Variants in GALNTL6 observed in about 807,000 individuals in gnomAD.
GALNTL6 encodes the protein polypeptide N-acetylgalactosaminyltransferase-like 6.
Under a neutral mutation model 73.7 loss-of-function variants are expected in GALNTL6, and 46 were observed. The ratio of observed to expected loss-of-function variants is 0.62; its 90% CI spans 0.49 to 0.80. The LOEUF (loss-of-function observed/expected upper bound fraction) is 0.80, where lower values mean the gene tolerates loss of function less well. GALNTL6 is among the 30% of genes least tolerant of loss of function. The pLI is 0.00. For synonymous variants in GALNTL6, 259 were observed against 263.7 expected (o/e 0.98, Z 0.17); for missense variants, 604 against 755.0 (o/e 0.80, Z 2.34).
At chr4:172,153,899 C>G (rs911843017) in intron 2 of GALNTL6, among the ~76,000 whole-genome samples, 1 of 152,190 alleles carries the variant, frequency 6.6e-6, no homozygotes, top group African/African-American at 2.4e-5. Context: ...GCCTCTTGAC[C>G]TTTCAAGGAG....
chr4:172,442,653 T>C (rs1048167869), intron 5 of GALNTL6, among the ~76,000 whole-genome samples: 1 of 152,190 alleles, frequency 6.6e-6, no homozygotes, highest in Non-Finnish European at 1.5e-5. Flanking sequence ...CATGCCTTGC[T>C]TACTCTAAAG....
At chr4:171,886,305 A>T (rs1736606796) in intron 2 of GALNTL6, among the ~76,000 whole-genome samples, 1 of 152,350 alleles carries the variant, frequency 6.6e-6, no homozygotes, top group African/African-American at 2.4e-5. Flanking sequence ...CAAAGTAACC[A>T]GTCAATTCAG....
At chr4:172,824,178 C>T (rs531352875) in intron 7 of GALNTL6, among the ~76,000 whole-genome samples, 3 of 152,164 alleles carry the variant, frequency 2.0e-5, no homozygotes, top group African/African-American at 4.8e-5. Context: ...TGTGGTGTGC[C>T]GTTGAAGCCT....
At position 172,331,372 on chromosome 4, in the gene GALNTL6, C is replaced by T. The variant is rs201004828; in HGVS notation, c.387-17151C>T. Among the ~76,000 whole-genome samples, 123 of 152,138 alleles carry T rather than the reference C, an allele frequency of 8.1e-4. 2 individuals carry two copies. In the South Asian group the frequency reaches 0.016, roughly 19 times the overall value. ...TGGGCTCACTGCAACCTCCACCTCC[C>T]AGGTTCAAGCAATTCTTCTGCCTCA... On this transcript the variant is annotated intron_variant, in intron 4 of 12. Transcript: ENST00000506823.
intron 5 of GALNTL6, among the ~76,000 whole-genome samples, chr4:172,737,613 C>T (rs1313184296): frequency 6.6e-6 from 1 of 152,144 alleles, no homozygotes; most frequent in Non-Finnish European, 1.5e-5. Context: ...TCATTTGAGT[C>T]AGTCACTGGC....
At chr4:172,057,700 TCAAAAA>T (rs1731058114) in intron 2 of GALNTL6, among the ~76,000 whole-genome samples, 1 of 13,388 alleles carries the variant, frequency 7.5e-5, no homozygotes. Context: ...AGACCCTGTC[TCAAAAA>T]AAAAAAAAAA....
chr4:172,802,794 AAAAC>A (rs71594010), intron 5 of GALNTL6, among the ~76,000 whole-genome samples: 105,024 of 150,838 alleles, frequency 0.7, 36,704 homozygotes, highest in East Asian at 0.89. Context: ...CCGTCTCAAA[AAAAC>A]AAACAAACAA....
At chr4:171,856,266 C>A (rs552637208) in intron 2 of GALNTL6, among the ~76,000 whole-genome samples, 1 of 121,552 alleles carries the variant, frequency 8.2e-6, no homozygotes, top group South Asian at 2.8e-4. Context: ...CCACACCCGG[C>A]TACTTTTTGT....
At chr4:172,603,468 A>G (rs918286816) in intron 5 of GALNTL6, among the ~76,000 whole-genome samples, 3 of 152,192 alleles carry the variant, frequency 2.0e-5, no homozygotes, top group African/African-American at 7.2e-5. Context: ...GTTAAAACCA[A>G]TCATTTTCTT....
chr4:172,749,756 A>C (rs1015214620), intron 5 of GALNTL6, among the ~76,000 whole-genome samples: 1 of 151,954 alleles, frequency 6.6e-6, no homozygotes, highest in Admixed American at 6.6e-5. Flanking sequence ...GAAAAGAATT[A>C]GCATCTTAAT....
intron 5 of GALNTL6, among the ~76,000 whole-genome samples, chr4:172,385,023 T>G (rs542564455): frequency 7.2e-6 from 1 of 138,878 alleles, no homozygotes; most frequent in South Asian, 2.1e-4. Context: ...TTGTTTTGTT[T>G]TTTTGTTTTT....
chr4:172,385,026 TTG>T (rs1743413778), intron 5 of GALNTL6, among the ~76,000 whole-genome samples: 2 of 138,064 alleles, frequency 1.4e-5, no homozygotes, highest in Non-Finnish European at 3.1e-5. Flanking sequence ...TTTTGTTTTT[TTG>T]TTTTTTTTTT....
intron 3 of GALNTL6, among the ~76,000 whole-genome samples, chr4:172,302,136 G>A (rs1348945514): frequency 6.6e-6 from 1 of 152,190 alleles, no homozygotes; most frequent in Admixed American, 6.5e-5. Context: ...CTAGCAATGA[G>A]TGAGGCTCTG....
chr4:171,917,461 C>T (rs1737663382), intron 2 of GALNTL6, among the ~76,000 whole-genome samples: 3 of 152,014 alleles, frequency 2.0e-5, no homozygotes, highest in African/African-American at 7.2e-5. Flanking sequence ...TTCATGTTAG[C>T]TCAGGGCCAT....
chr4:171,923,944 C>T (rs1436160197), intron 2 of GALNTL6, among the ~76,000 whole-genome samples: 1 of 151,816 alleles, frequency 6.6e-6, no homozygotes, highest in East Asian at 1.9e-4. Context: ...ATCACAGAAA[C>T]AGGATATTAC....
intron 2 of GALNTL6, chr4:172,052,369 T>C (rs1193435062): frequency 9.2e-7 from 1 of 1,087,056 alleles, no homozygotes; most frequent in Non-Finnish European, 1.3e-6. Context: ...CTTGAAGACC[T>C]ATGCACACCT....
In GALNTL6 at chr4:173,031,159, A is replaced by G. The variant is rs543280112; in HGVS notation, c.1639-8774A>G. ...CTGTTTCTTCATTTATAAAATGGGA[A>G]TAATAATTCCCTTTATTATCTACTT... On this transcript the variant is annotated intron_variant, in intron 12 of 12. Transcript: ENST00000506823. 2.0e-5 allele frequency among the ~76,000 whole-genome samples: 3 copies of G among 152,322 alleles called. No individual in the cohort carries two copies. In the East Asian group the frequency reaches 5.8e-4, roughly 29 times the overall value.
chr4:172,742,065 C>A (rs1233019777), intron 5 of GALNTL6, among the ~76,000 whole-genome samples: 1 of 152,018 alleles, frequency 6.6e-6, no homozygotes, highest in East Asian at 1.9e-4. Context: ...AAACATCTCT[C>A]AGTTCTCTAG....
intron 2 of GALNTL6, among the ~76,000 whole-genome samples, chr4:171,852,099 A>T (rs1363754790): frequency 2.0e-5 from 3 of 152,250 alleles, no homozygotes; most frequent in Non-Finnish European, 2.9e-5. Context: ...GTAGGAATAT[A>T]TCAGAAAATA....
Sources: gnomAD v4.1 joint callset for allele counts (sites outside exome capture counted in the v4.1 genomes callset) on GRCh38, gnomAD v4.1.1 for gene constraint, MANE v1.5 for transcripts, NCBI Gene and HGNC (gene_info 2026-07-23, HGNC 2026-07-21) for gene names.